Variants in PDE2A observed in about 807,000 individuals in gnomAD.
PDE2A encodes cGMP-dependent 3',5'-cyclic phosphodiesterase.
A neutral mutation model predicts 133.6 loss-of-function variants in PDE2A; 53 were observed. That is an observed-to-expected ratio of 0.40 (90% CI 0.32 to 0.50). The LOEUF is 0.50. Ranked by LOEUF, PDE2A falls within the 20% of genes least tolerant of loss-of-function variation. The pLI, the probability that PDE2A is intolerant of heterozygous loss-of-function variation, is 0.73. For synonymous variants in PDE2A, 491 were observed against 490.2 expected (o/e 1.00, Z -0.02); for missense variants, 796 against 1,232.4 (o/e 0.65, Z 5.30).
At chr11:72,625,456 G>A (rs1390162828) in intron 2 of PDE2A, among the ~76,000 whole-genome samples, 1 of 152,232 alleles carries the variant, frequency 6.6e-6, no homozygotes, top group Non-Finnish European at 1.5e-5. Context: ...AGCCTGAGGA[G>A]TGGGAGATGG....
Position 72,578,833 on chromosome 11 carries a change from C to CA in PDE2A, c.2469+63dup, listed in dbSNP as rs1855581579. On this transcript the variant is annotated intron_variant, in intron 28 of 30. Transcript: ENST00000334456. This position sits in a 1 kb window ranked among gnomAD's most constrained non-coding sequence, Gnocchi z 4.2. ...TGAGCAGAGAGAGGGTATTCAGGCA[C>CA]AGGGGGCACCCAAAGCTGGGCAGGG... The CA allele has an allele frequency of 1.0e-6, 1 of 991,222 alleles. No homozygotes were observed. Among genetic ancestry groups the CA allele is most frequent in the East Asian group, 2.4e-5 (1 of 41,606 alleles). 61.4% of individuals were successfully genotyped at this position (991,222 alleles called of 1,614,324 possible).
intron 1 of PDE2A, among the ~76,000 whole-genome samples, chr11:72,658,448 C>A (rs1223756226): frequency 6.6e-6 from 1 of 152,084 alleles, no homozygotes; most frequent in South Asian, 2.1e-4. Context: ...CTGTGAGGCA[C>A]CCCTGCAACC....
At position 72,585,408 on chromosome 11, in the gene PDE2A, T is replaced by A. The variant is rs1465621025; in HGVS notation, c.1249A>T (p.Ile417Phe). 1 of 1,614,058 alleles carries A rather than the reference T, an allele frequency of 6.2e-7. No homozygotes were observed. The highest frequency in any genetic ancestry group is 1.3e-5 in the African/African-American group (1 of 74,990). The change falls in exon 16 of 31, where the codon ATC (isoleucine) becomes TTC (phenylalanine). Residue 417 changes from isoleucine to phenylalanine, a missense_variant. By Grantham distance (21) the Ile-to-Phe change is conservative. Transcript: ENST00000334456. ...LDDVSVLLQE[I>F]ITEARNLSNA... is the part of the protein sequence containing the mutation. ...CTGAGGTTTCTGGCCTCCGTGATGA[T>A]CTCCTGGAGCAGGACAGAGACGTCA...
chr11:72,586,344 G>A (rs1855974236), intron 13 of PDE2A, among the ~76,000 whole-genome samples, 163 bp from the exon 14 acceptor site: 1 of 152,176 alleles, frequency 6.6e-6, no homozygotes, highest in South Asian at 2.1e-4. Flanking sequence ...TGACCCTGCA[G>A]ACTGGGGGCT....
intron 2 of PDE2A, chr11:72,615,231 C>T (rs754042): frequency 0.15 from 51,111 of 336,108 alleles, 4,293 homozygotes; most frequent in South Asian, 0.2. Context: ...AGCTCCGCCC[C>T]GGCCTCTCGC....
chr11:72,661,253 C>A (rs1055312397), intron 1 of PDE2A, among the ~76,000 whole-genome samples: 1 of 151,952 alleles, frequency 6.6e-6, no homozygotes, highest in African/African-American at 2.4e-5. Flanking sequence ...TGCAGTGGGC[C>A]AGGATAGCGC....
chr11:72,578,507 A>T lies in PDE2A; in HGVS notation c.2477T>A (p.Ile826Asn). Residue 826 changes from isoleucine (I) to asparagine (N), a missense_variant, in exon 29 of 31, where the codon ATC (isoleucine) becomes AAC (asparagine). This residue lies in a region of PDE2A where 28 missense variants were observed against 86.0 expected (regional missense o/e 0.33). Transcript: ENST00000334456. The surrounding 1 kb of genome is among the most constrained non-coding windows in gnomAD (Gnocchi z 4.2). ...TCCCTGGGAGAAGAATTCTTTGTAG[A>T]TCAGCTCCTGAAAGGCCAACACTCT... ...WKTTRKIAEL[I>N]YKEFFSQGDL... 6.2e-7 allele frequency: 1 copy of T among 1,612,954 alleles called. No homozygotes were observed. Among genetic ancestry groups the T allele is most frequent in the Non-Finnish European group, 8.5e-7 (1 of 1,178,996 alleles).
chr11:72,628,905 C>T (rs1030195888), intron 2 of PDE2A, among the ~76,000 whole-genome samples: 5 of 152,232 alleles, frequency 3.3e-5, no homozygotes, highest in Non-Finnish European at 7.3e-5. Context: ...CTTGCCCTCT[C>T]CATGTTGGCA....
At chr11:72,601,140 C>T (rs1245864673) in intron 4 of PDE2A, among the ~76,000 whole-genome samples, 2 of 129,910 alleles carry the variant, frequency 1.5e-5, no homozygotes, top group Admixed American at 7.7e-5. Context: ...GGAACCCCCA[C>T]CCTCACTGAG....
At chr11:72,668,188 G>C (rs1024606396) in intron 1 of PDE2A, 2 of 710,982 alleles carry the variant, frequency 2.8e-6, no homozygotes, top group Admixed American at 4.0e-5. Context: ...TCCAACTTTA[G>C]TTGTCCACAT....
At chr11:72,615,016 C>T in intron 2 of PDE2A, 1 of 442,168 alleles carries the variant, frequency 2.3e-6, no homozygotes, top group Non-Finnish European at 5.0e-6. Flanking sequence ...TCCATGCCCC[C>T]ATCCCTCCAC....
intron 2 of PDE2A, among the ~76,000 whole-genome samples, chr11:72,611,020 C>T (rs1565168967): frequency 6.6e-6 from 1 of 152,188 alleles, no homozygotes; most frequent in Non-Finnish European, 1.5e-5. Flanking sequence ...GCTCCCCAGA[C>T]GGGGGCTCTA....
At chr11:72,665,991 A>C (rs1239114267) in intron 1 of PDE2A, among the ~76,000 whole-genome samples, 1 of 151,798 alleles carries the variant, frequency 6.6e-6, no homozygotes, top group Non-Finnish European at 1.5e-5. Flanking sequence ...CTCTGGCCTC[A>C]CTTCACCACT....
intron 1 of PDE2A, chr11:72,669,108 T>G: frequency 3.3e-6 from 1 of 300,138 alleles, no homozygotes; most frequent in Non-Finnish European, 5.0e-6. Context: ...CACCCCACTA[T>G]TCACACAAGG....
intron 1 of PDE2A, among the ~76,000 whole-genome samples, chr11:72,647,980 T>C (rs1859174074): frequency 6.6e-6 from 1 of 152,196 alleles, no homozygotes; most frequent in African/African-American, 2.4e-5. Context: ...TGTGTCTGTG[T>C]GCAGAAGTGA....
intron 2 of PDE2A, among the ~76,000 whole-genome samples, chr11:72,617,309 C>A (rs922614626): frequency 5.3e-5 from 8 of 152,142 alleles, no homozygotes; most frequent in African/African-American, 1.7e-4. Context: ...TGGGGTAGGG[C>A]TGGTGGGGTG....
At chr11:72,671,556 G>A (rs1411789349) in intron 1 of PDE2A, among the ~76,000 whole-genome samples, 1 of 151,588 alleles carries the variant, frequency 6.6e-6, no homozygotes, top group East Asian at 2.0e-4. Flanking sequence ...CCTGGGGACA[G>A]GAGGCTGGAG....
Position 72,642,325 on chromosome 11 carries a change from G to A in PDE2A, c.73C>T (p.Arg25Trp). ...QYPAARPAEP[R>W]GQQVFLKPDE... ...GGCTTGAGGAAGACCTGCTGGCCCC[G>A]CCTGAGGAATTGGACAACAGCGATG... Residue 25 changes from arginine to tryptophan, a missense_variant and splice_region_variant, in exon 2 of 31, where the codon CGG (arginine) becomes TGG (tryptophan). By Grantham distance (101) the Arg-to-Trp change is moderately radical. This residue lies in a region of PDE2A where 417 missense variants were observed against 475.3 expected (regional missense o/e 0.88). Coordinates refer to ENST00000334456, the MANE Select transcript of PDE2A (RefSeq NM_002599.5). 1 of 1,538,836 alleles carries A rather than the reference G, an allele frequency of 6.5e-7. No homozygotes were observed. The highest frequency in any genetic ancestry group is 8.7e-7 in the Non-Finnish European group (1 of 1,145,522).
intron 1 of PDE2A, among the ~76,000 whole-genome samples, chr11:72,650,835 C>T (rs1328211895): frequency 7.9e-6 from 1 of 126,250 alleles, no homozygotes; most frequent in Admixed American, 7.8e-5. Flanking sequence ...AGGGGTGCCT[C>T]AGGTTAGAGT....
Sources: gnomAD v4.1 joint callset for allele counts (sites outside exome capture counted in the v4.1 genomes callset) on GRCh38, gnomAD v4.1.1 for gene constraint, gnomAD v4.1.1 regional missense constraint, Gnocchi (gnomAD v3.1) non-coding constraint, MANE v1.5 for transcripts, NCBI Gene and HGNC (gene_info 2026-07-23, HGNC 2026-07-21) for gene names.